Variants in RFX4 observed in about 807,000 individuals in gnomAD.
RFX4 encodes the protein regulatory factor X4.
Under a neutral mutation model 95.0 loss-of-function variants are expected in RFX4, and 10 were observed. That is an observed-to-expected ratio of 0.11 (90% CI 0.06 to 0.18). RFX4 has a LOEUF of 0.18. Ranked by LOEUF, RFX4 falls within the 10% of genes least tolerant of loss-of-function variation. The pLI, the probability that RFX4 is intolerant of heterozygous loss-of-function variation, is 1.00. For synonymous variants in RFX4, 321 were observed against 340.7 expected, an observed-to-expected ratio of 0.94 and a Z score of 0.64; for missense variants, 640 against 922.0, an observed-to-expected ratio of 0.69 and a Z score of 3.96.
At chr12:106,607,958 C>T (rs1202696963) in intron 1 of RFX4, among the ~76,000 whole-genome samples, 2 of 152,026 alleles carry the variant, frequency 1.3e-5, no homozygotes, top group Non-Finnish European at 2.9e-5. Flanking sequence ...TTTGGGAGGC[C>T]GAGGCAGGCG....
chr12:106,647,399 G>A (rs1025314108), intron 3 of RFX4, among the ~76,000 whole-genome samples: 3 of 152,134 alleles, frequency 2.0e-5, no homozygotes, highest in South Asian at 4.2e-4. Flanking sequence ...TACTCATCTT[G>A]TGGGGGTAGT....
rs754877950 is a variant in RFX4, at chr12:106,715,557, A to G, written c.1138+13A>G. ...CTCATCACCCAATGTAAGCTGTCCC[A>G]CCAGGGATTGTTGTCCTGTTTTTAT... On this transcript the variant is annotated intron_variant, in intron 11 of 17. Transcript: ENST00000392842. 2 of 1,611,170 alleles carry G rather than the reference A, an allele frequency of 1.2e-6. No individual in the cohort carries two copies. Among genetic ancestry groups the G allele is most frequent in the Admixed American group, 3.4e-5 (2 of 59,208 alleles).
chr12:106,729,280 T>C (rs943842252), intron 13 of RFX4, among the ~76,000 whole-genome samples: 1 of 152,224 alleles, frequency 6.6e-6, no homozygotes, highest in African/African-American at 2.4e-5. Flanking sequence ...TTTCTTCATT[T>C]TGGAGACCCT....
intron 8 of RFX4, among the ~76,000 whole-genome samples, chr12:106,707,475 G>C (rs1189795057): frequency 6.6e-6 from 1 of 152,128 alleles, no homozygotes; most frequent in Non-Finnish European, 1.5e-5. Flanking sequence ...GAGGGCAGGA[G>C]TTTTGTGACT....
At chr12:106,594,205 T>C (rs2039583197) in intron 1 of RFX4, among the ~76,000 whole-genome samples, 1 of 152,182 alleles carries the variant, frequency 6.6e-6, no homozygotes, top group African/African-American at 2.4e-5. Flanking sequence ...TAAGTCTGCC[T>C]CAGAAAGCTC....
At chr12:106,703,657 A>T (rs965805405) in intron 8 of RFX4, among the ~76,000 whole-genome samples, 7 of 152,236 alleles carry the variant, frequency 4.6e-5, no homozygotes, top group Non-Finnish European at 8.8e-5. Context: ...ACACACATAC[A>T]CATGGCATTT....
Position 106,761,419 on chromosome 12 carries a change from C to T in RFX4, c.2158C>T (p.Pro720Ser), listed in dbSNP as rs768886397. Residue 720 changes from proline to serine, a missense_variant, in exon 18 of 18, where the codon CCT becomes TCT. Physicochemically the swap from Pro to Ser is moderately conservative, Grantham distance 74 (BLOSUM62 -1). Around this residue, in one of 7 missense-constraint regions of RFX4, gnomAD observed 300 missense variants for 346.8 expected, o/e 0.87. Coordinates refer to ENST00000392842, the MANE Select transcript of RFX4 (RefSeq NM_213594.3). ...NSEYEHMQHF[P>S]GFAYINGEAS... is the part of the protein sequence containing the mutation. The stretch of plus-strand genomic sequence containing the variant: ...TGAATATGAGCACATGCAACACTTT[C>T]CTGGCTTTGCTTACATCAACGGAGA... 4.3e-6 allele frequency: 7 copies of T among 1,614,130 alleles called. 1 individual carries two copies. The South Asian group carries it at 4.4e-5, about 10-fold the overall frequency.
At chr12:106,689,408 TCTTGTAACA>T in intron 7 of RFX4, 44 bp downstream of exon 7, 1 of 1,481,312 alleles carries the variant, frequency 6.8e-7, no homozygotes, top group Non-Finnish European at 9.4e-7. Flanking sequence ...GTATTAAAAA[TCTTGTAACA>T]CTAGCTCCTA....
intron 2 of RFX4, among the ~76,000 whole-genome samples, chr12:106,616,601 G>A (rs898121805): frequency 3.3e-5 from 5 of 152,032 alleles, no homozygotes; most frequent in African/African-American, 1.2e-4. Context: ...TTTCTTTGAG[G>A]GAAAGTTTTT....
chr12:106,701,985 G>C (rs1284048631), intron 8 of RFX4, among the ~76,000 whole-genome samples: 5 of 152,102 alleles, frequency 3.3e-5, no homozygotes. Context: ...CCGGATGACA[G>C]AGCAAGACCC....
rs985820097 is a variant in RFX4, at chr12:106,672,877, C to T, written c.316-9116C>T. Among the ~76,000 whole-genome samples, 7 of 152,026 alleles carry T rather than the reference C, an allele frequency of 4.6e-5. 1 individual carries two copies. The highest frequency in any genetic ancestry group is 7.3e-5 in the Non-Finnish European group (5 of 68,032). On this transcript the variant is annotated intron_variant, in intron 4 of 17. Transcript: ENST00000392842. ...TGCTCAGAGTGGGAAAAGTCTTGAC[C>T]TGCATTTGGGCAGAATGTGATGTGA...
chr12:106,628,762 CTTTTTT>C (rs397850563), intron 2 of RFX4, among the ~76,000 whole-genome samples: 19 of 133,270 alleles, frequency 1.4e-4, no homozygotes, highest in African/African-American at 5.4e-4. Flanking sequence ...ATATATGTTC[CTTTTTT>C]TTTTTTTTTT....
intron 2 of RFX4, among the ~76,000 whole-genome samples, chr12:106,635,565 C>T (rs759916464): frequency 9.2e-5 from 14 of 152,206 alleles, no homozygotes; most frequent in Admixed American, 2.0e-4. Context: ...TGCCCCCCTC[C>T]GCCTCCCAAA....
chr12:106,605,396 C>T (rs1270061654), intron 1 of RFX4, among the ~76,000 whole-genome samples: 1 of 152,172 alleles, frequency 6.6e-6, no homozygotes, highest in Non-Finnish European at 1.5e-5. Flanking sequence ...GGAGATGCCA[C>T]TCCTAAGGGC....
Position 106,639,396 on chromosome 12 carries a change from A to G in RFX4, c.191+4A>G. The G allele has an allele frequency of 6.2e-7, 1 of 1,613,528 alleles. No individual in the cohort carries two copies. The highest frequency in any genetic ancestry group is 8.5e-7 in the Non-Finnish European group (1 of 1,179,684). On this transcript the variant is annotated splice_donor_region_variant and intron_variant, in intron 3 of 17. Coordinates refer to ENST00000392842, the MANE Select transcript of RFX4 (RefSeq NM_213594.3). ...CCACTCCTGCTACTCTGCAATGGTA[A>G]GTTTCCATTTTTAGCAAGTTCTGTC...
chr12:106,739,966 A>G (rs1226803526), intron 15 of RFX4, among the ~76,000 whole-genome samples: 1 of 152,236 alleles, frequency 6.6e-6, no homozygotes. Flanking sequence ...TGGCATCTAA[A>G]GCAAAACGTT....
chr12:106,687,179 C>CTG (rs2041674815), intron 6 of RFX4, 82 bp downstream of exon 6: 3 of 722,784 alleles, frequency 4.2e-6, no homozygotes, highest in Admixed American at 4.9e-5. Context: ...CTCTCTCTCT[C>CTG]TCTCACACAC....
intron 4 of RFX4, among the ~76,000 whole-genome samples, chr12:106,663,869 T>G: frequency 6.6e-6 from 1 of 151,920 alleles, no homozygotes; most frequent in East Asian, 1.9e-4. Context: ...ATTACATTAA[T>G]TGATTTTTGA....
chr12:106,698,697 TC>T (rs1455148859), intron 8 of RFX4, among the ~76,000 whole-genome samples: 2 of 151,642 alleles, frequency 1.3e-5, no homozygotes. Context: ...TTCCCTCTCT[TC>T]TTTTTTTTTT....
Sources: gnomAD v4.1 joint callset for allele counts (sites outside exome capture counted in the v4.1 genomes callset) on GRCh38, gnomAD v4.1.1 for gene constraint, gnomAD v4.1.1 regional missense constraint, MANE v1.5 for transcripts, NCBI Gene and HGNC (gene_info 2026-07-23, HGNC 2026-07-21) for gene names.